MRTFA: variants seen among roughly 807,000 people sequenced by gnomAD.
MRTFA encodes myocardin related transcription factor A.
In MRTFA, 20 loss-of-function variants were observed where a neutral mutation model predicts 83.5. The observed-to-expected ratio is 0.24, with a 90% CI of 0.17 to 0.35. The LOEUF (loss-of-function observed/expected upper bound fraction) is 0.35, where lower values mean the gene tolerates loss of function less well. Among genes scored for constraint, MRTFA ranks in the 10% least tolerant of loss-of-function variants. MRTFA has a pLI of 1.00. For missense variants in MRTFA, 1,200 were observed against 1,224.7 expected (o/e 0.98, Z 0.30); for synonymous variants, 659 against 541.2 (o/e 1.22, Z -3.02).
intron 4 of MRTFA, among the ~76,000 whole-genome samples, chr22:40,461,977 G>A (rs2147151243): frequency 6.6e-6 from 1 of 152,248 alleles, no homozygotes; most frequent in East Asian, 1.9e-4. Context: ...CCTGCACCAG[G>A]CCCAGACACT....
At chr22:40,451,037 A>T (rs901626034) in intron 4 of MRTFA, among the ~76,000 whole-genome samples, 8 of 152,204 alleles carry the variant, frequency 5.3e-5, no homozygotes, top group Admixed American at 2.6e-4. Context: ...TTAAAATGAA[A>T]GTGCTTTGCC....
intron 3 of MRTFA, among the ~76,000 whole-genome samples, chr22:40,490,692 T>C (rs1285087249): frequency 4.6e-5 from 7 of 152,122 alleles, no homozygotes; most frequent in Non-Finnish European, 1.0e-4. Context: ...GATGTGTCCA[T>C]TCATTGCTGA....
chr22:40,620,423 CTTT>C (rs747409456), intron 1 of MRTFA, among the ~76,000 whole-genome samples: 4 of 94,176 alleles, frequency 4.2e-5, no homozygotes, highest in Admixed American at 1.2e-4. Context: ...AACATGCAGT[CTTT>C]TTTTTTTTTT....
At chr22:40,420,300 T>C in intron 11 of MRTFA, 105 bp downstream of exon 11, 1 of 1,313,908 alleles carries the variant, frequency 7.6e-7, no homozygotes. Context: ...TCCATGACGG[T>C]GGGTCCTAGG....
chr22:40,539,949 G>T (rs1365782964), intron 3 of MRTFA, among the ~76,000 whole-genome samples: 5 of 118,174 alleles, frequency 4.2e-5, no homozygotes, highest in Non-Finnish European at 5.0e-5. Flanking sequence ...TCACTCTGTT[G>T]CCCAGACAAG....
At position 40,548,827 on chromosome 22, in the gene MRTFA, G is replaced by A. The variant is rs190002838; in HGVS notation, c.241+3279C>T. Reference sequence around the variant, plus strand: ...TGCAGTGAGTCAAGATCGCGCCACTGCACTCCAGCCTGGCAACAGAGTGAG... The same window carrying A: ...TGCAGTGAGTCAAGATCGCGCCACTACACTCCAGCCTGGCAACAGAGTGAG... On this transcript the variant is annotated intron_variant, in intron 3 of 14. Transcript: ENST00000355630. 8.8e-4 allele frequency among the ~76,000 whole-genome samples: 134 copies of A among 151,678 alleles called. 1 individual carries two copies. The Middle Eastern group carries it at 0.02, about 23-fold the overall frequency.
chr22:40,532,216 A>G (rs961078390), intron 3 of MRTFA, among the ~76,000 whole-genome samples: 8 of 152,228 alleles, frequency 5.3e-5, no homozygotes, highest in Non-Finnish European at 7.3e-5. Context: ...CTGAGAAGAA[A>G]GCAAACAATC....
chr22:40,524,325 A>G (rs1304083004), intron 3 of MRTFA, among the ~76,000 whole-genome samples: 1 of 152,200 alleles, frequency 6.6e-6, no homozygotes, highest in Admixed American at 6.5e-5. Context: ...AAAAATAATT[A>G]AAACATTGTA....
chr22:40,494,317 T>C (rs2054316052), intron 3 of MRTFA, among the ~76,000 whole-genome samples: 1 of 152,184 alleles, frequency 6.6e-6, no homozygotes, highest in Non-Finnish European at 1.5e-5. Context: ...AAGAGCTATA[T>C]GTGAATATTC....
At chr22:40,523,669 C>G (rs368512262) in intron 3 of MRTFA, 1 of 152,110 alleles carries the variant, frequency 6.6e-6, no homozygotes, top group Non-Finnish European at 1.5e-5. Context: ...ATTGTGATTC[C>G]GCAGGTCTGA....
At chr22:40,635,421 T>G (rs546966222) in intron 1 of MRTFA, among the ~76,000 whole-genome samples, 4 of 152,312 alleles carry the variant, frequency 2.6e-5, no homozygotes, top group African/African-American at 7.2e-5. Context: ...CTCGGGGACA[T>G]TCCAGACGTC....
At chr22:40,634,704 T>C (rs1490160714) in intron 1 of MRTFA, among the ~76,000 whole-genome samples, 2 of 152,218 alleles carry the variant, frequency 1.3e-5, no homozygotes, top group Non-Finnish European at 2.9e-5. Flanking sequence ...GTCTGTTGAA[T>C]GAATAAATGA....
chr22:40,577,259 TAA>T (rs886868965), intron 2 of MRTFA, among the ~76,000 whole-genome samples: 1 of 129,710 alleles, frequency 7.7e-6, no homozygotes, highest in Non-Finnish European at 1.7e-5. Context: ...AAAAAAAAAT[TAA>T]AAAAAAAAGA....
intron 2 of MRTFA, among the ~76,000 whole-genome samples, chr22:40,567,986 A>G (rs2055730766): frequency 6.6e-6 from 1 of 152,234 alleles, no homozygotes; most frequent in Admixed American, 6.5e-5. Context: ...TACTGGAAAT[A>G]AAATATCTTG....
chr22:40,527,131 TACACACACACACAC>T (rs35912231), intron 3 of MRTFA, among the ~76,000 whole-genome samples: 19 of 146,378 alleles, frequency 1.3e-4, no homozygotes, highest in African/African-American at 4.8e-4. Flanking sequence ...GCCTCAAAGA[TACACACACACACAC>T]ACACACACAC....
At chr22:40,525,568 G>C (rs1310733942) in intron 3 of MRTFA, among the ~76,000 whole-genome samples, 1 of 152,172 alleles carries the variant, frequency 6.6e-6, no homozygotes, top group African/African-American at 2.4e-5. Context: ...ACAACAGTAA[G>C]AAAGGGAAAT....
At chr22:40,632,521 C>T (rs572719190) in intron 1 of MRTFA, among the ~76,000 whole-genome samples, 193 of 152,186 alleles carry the variant, frequency 1.3e-3, no homozygotes, top group Non-Finnish European at 2.0e-3. Flanking sequence ...CTGCAACCTC[C>T]GCCTCCCAGG....
At chr22:40,543,525 A>C (rs1266545185) in intron 3 of MRTFA, among the ~76,000 whole-genome samples, 1 of 152,236 alleles carries the variant, frequency 6.6e-6, no homozygotes, top group Non-Finnish European at 1.5e-5. Flanking sequence ...ACCTCAGATT[A>C]CAGACACACA....
At chr22:40,549,373 A>G (rs1308803428) in intron 3 of MRTFA, among the ~76,000 whole-genome samples, 1 of 152,260 alleles carries the variant, frequency 6.6e-6, no homozygotes, top group South Asian at 2.1e-4. Context: ...CATTTTATTC[A>G]TACAATGAAC....
Sources: gnomAD v4.1 joint callset for allele counts (sites outside exome capture counted in the v4.1 genomes callset) on GRCh38, gnomAD v4.1.1 for gene constraint, MANE v1.5 for transcripts, NCBI Gene and HGNC (gene_info 2026-07-23, HGNC 2026-07-21) for gene names.